Variants in ADD2 observed in about 807,000 individuals in gnomAD.
The protein encoded by ADD2 is adducin 2.
ADD2 carries 23 observed loss-of-function variants against 83.0 expected under a neutral mutation model. The ratio of observed to expected loss-of-function variants is 0.28; its 90% CI spans 0.20 to 0.39. The LOEUF (loss-of-function observed/expected upper bound fraction) is 0.39. Ranked by LOEUF, ADD2 falls within the 10% of genes least tolerant of loss-of-function variation. The pLI is 1.00. For synonymous variants in ADD2, 375 were observed against 375.4 expected, an observed-to-expected ratio of 1.00 and a Z score of 0.01; for missense variants, 758 against 944.9, an observed-to-expected ratio of 0.80 and a Z score of 2.59.
chr2:70,707,319 A>G (rs1240982552), intron 2 of ADD2, among the ~76,000 whole-genome samples: 1 of 152,250 alleles, frequency 6.6e-6, no homozygotes, highest in Non-Finnish European at 1.5e-5. Context: ...TATGGTTTGC[A>G]GGGTGCCATG....
chr2:70,722,042 G>C (rs1672752341), intron 1 of ADD2, among the ~76,000 whole-genome samples: 1 of 152,168 alleles, frequency 6.6e-6, no homozygotes, highest in Non-Finnish European at 1.5e-5. Flanking sequence ...TTTGATAACA[G>C]GGTTAGCAGA....
chr2:70,680,777 TTTCAAAGTAGTTA>T (rs1363655553), intron 10 of ADD2, among the ~76,000 whole-genome samples: 4 of 152,208 alleles, frequency 2.6e-5, no homozygotes, highest in Non-Finnish European at 5.9e-5. Context: ...ATTATTATAT[TTTCAAAGTAGTTA>T]AGATACAAAA....
chr2:70,690,197 A>G (rs1262805646), intron 8 of ADD2, among the ~76,000 whole-genome samples: 4 of 152,068 alleles, frequency 2.6e-5, no homozygotes, highest in Non-Finnish European at 5.9e-5. Flanking sequence ...TCTGGAGTCA[A>G]TCGATCCTCC....
intron 1 of ADD2, among the ~76,000 whole-genome samples, chr2:70,718,736 CT>C (rs1672593964): frequency 6.6e-6 from 1 of 152,184 alleles, no homozygotes; most frequent in African/African-American, 2.4e-5. Context: ...ACCTGGGTGA[CT>C]TGATTCAGGC....
At chr2:70,731,574 A>G (rs781875689) in intron 1 of ADD2, among the ~76,000 whole-genome samples, 1 of 152,202 alleles carries the variant, frequency 6.6e-6, no homozygotes, top group Non-Finnish European at 1.5e-5. Context: ...TAGCGTTAAG[A>G]GGTGTGCTCA....
chr2:70,708,634 C>T (rs930319740), intron 2 of ADD2, among the ~76,000 whole-genome samples: 3 of 152,218 alleles, frequency 2.0e-5, no homozygotes, highest in Admixed American at 1.3e-4. Flanking sequence ...CCCCTCCCCT[C>T]GTTCAAACCA....
chr2:70,714,265 G>A (rs141163077), intron 1 of ADD2, among the ~76,000 whole-genome samples: 5 of 152,276 alleles, frequency 3.3e-5, no homozygotes, highest in Non-Finnish European at 7.4e-5. Context: ...ACCCAGGGCT[G>A]GCAGCATCCC....
chr2:70,755,123 A>T (rs1553383604), intron 1 of ADD2, among the ~76,000 whole-genome samples: 1 of 151,812 alleles, frequency 6.6e-6, no homozygotes, highest in African/African-American at 2.4e-5. Flanking sequence ...ACTTCAAATT[A>T]CCCTCTACAC....
rs548589522 is a variant in ADD2, at chr2:70,670,792, G to A, written c.1870+2086C>T. Among the ~76,000 whole-genome samples, 7 of 152,272 alleles carry A rather than the reference G, an allele frequency of 4.6e-5. No individual in the cohort carries two copies. The East Asian group carries it at 5.8e-4, about 13-fold the overall frequency. The stretch of plus-strand genomic sequence containing the variant: ...AGCAGCCTGGCCAAGGCTTCACACC[G>A]GGCTCCCCACCCAACTACAGCTTGT... On this transcript the variant is annotated intron_variant, in intron 15 of 15. Transcript: ENST00000264436.
At chr2:70,738,792 G>C (rs188647275) in intron 1 of ADD2, among the ~76,000 whole-genome samples, 1 of 152,264 alleles carries the variant, frequency 6.6e-6, no homozygotes, top group Admixed American at 6.5e-5. Context: ...ATGTATCTAT[G>C]ATCAAGTCAT....
chr2:70,683,832 C>A (rs1574237831), intron 9 of ADD2, 65 bp from the exon 10 acceptor site: 1 of 1,520,352 alleles, frequency 6.6e-7, no homozygotes, highest in East Asian at 2.3e-5. Flanking sequence ...TATCTATGCT[C>A]CTGTATGTGA....
At chr2:70,761,815 G>A (rs1675120087) in intron 1 of ADD2, among the ~76,000 whole-genome samples, 1 of 150,656 alleles carries the variant, frequency 6.6e-6, no homozygotes, top group Admixed American at 6.6e-5. Flanking sequence ...GGGACTACAG[G>A]TGCCCGCCAC....
intron 4 of ADD2, among the ~76,000 whole-genome samples, chr2:70,698,420 A>T (rs148806604): frequency 7.2e-5 from 11 of 152,358 alleles, no homozygotes; most frequent in Non-Finnish European, 4.4e-5. Flanking sequence ...CCCTGCTCTG[A>T]GTCTCAAGAG....
intron 6 of ADD2, among the ~76,000 whole-genome samples, chr2:70,692,928 A>G (rs1553371972): frequency 1.3e-5 from 2 of 152,202 alleles, no homozygotes; most frequent in African/African-American, 4.8e-5. Context: ...GCAAAGTGCT[A>G]GAAAAGAGTC....
In ADD2 at chr2:70,658,210, C is replaced by T. The variant is rs1295755248; in HGVS notation, c.*5215G>A. The T allele has an allele frequency of 6.6e-6, 1 of 152,196 alleles. No individual in the cohort carries two copies. Among genetic ancestry groups the T allele is most frequent in the East Asian group, 1.9e-4 (1 of 5,200 alleles). 9.4% of individuals were successfully genotyped at this position (152,196 alleles called of 1,614,324 possible). On this transcript the variant is annotated 3_prime_UTR_variant, in exon 16 of 16. Transcript: ENST00000264436. ...GAAAGGTGTTCTCCACTAAGGGACA[C>T]CCCACTGAAGTCCCCACACTGCTTC...
intron 6 of ADD2, among the ~76,000 whole-genome samples, chr2:70,695,353 T>G (rs1415068881): frequency 6.6e-6 from 1 of 152,164 alleles, no homozygotes; most frequent in African/African-American, 2.4e-5. Context: ...ATGGTGCCAG[T>G]GCTGGACAAA....
At chr2:70,751,211 T>C (rs1674491393) in intron 1 of ADD2, among the ~76,000 whole-genome samples, 1 of 152,196 alleles carries the variant, frequency 6.6e-6, no homozygotes, top group African/African-American at 2.4e-5. Context: ...TTTGACACTC[T>C]GGAATTCCAG....
intron 15 of ADD2, among the ~76,000 whole-genome samples, chr2:70,669,438 G>T (rs980860083): frequency 1.3e-5 from 2 of 152,170 alleles, no homozygotes. Context: ...TTTATCCGAC[G>T]TTTACTTACC....
intron 1 of ADD2, among the ~76,000 whole-genome samples, chr2:70,737,765 G>A (rs1673657909): frequency 1.3e-5 from 2 of 152,098 alleles, no homozygotes; most frequent in Non-Finnish European, 2.9e-5. Flanking sequence ...ATACTGTTTT[G>A]AAACATTCAA....
Sources: gnomAD v4.1 joint callset for allele counts (sites outside exome capture counted in the v4.1 genomes callset) on GRCh38, gnomAD v4.1.1 for gene constraint, MANE v1.5 for transcripts, NCBI Gene and HGNC (gene_info 2026-07-23, HGNC 2026-07-21) for gene names.